PPARGC1A: variants seen among roughly 807,000 people sequenced by gnomAD.
The protein encoded by PPARGC1A is peroxisome proliferator-activated receptor gamma coactivator 1-alpha.
Under a neutral mutation model 88.7 loss-of-function variants are expected in PPARGC1A, and 25 were observed. The ratio of observed to expected loss-of-function variants is 0.28; its 90% confidence interval spans 0.21 to 0.39. The LOEUF (loss-of-function observed/expected upper bound fraction) is 0.39. Ranked by LOEUF, PPARGC1A falls within the 10% of genes least tolerant of loss-of-function variation. PPARGC1A has a pLI of 1.00. For missense variants in PPARGC1A, 880 were observed against 968.7 expected, an observed-to-expected ratio of 0.91 and a Z score of 1.22; for synonymous variants, 363 against 355.6, an observed-to-expected ratio of 1.02 and a Z score of -0.24.
the PPARGC1A span, among the ~76,000 whole-genome samples, chr4:24,248,739 C>T: frequency 6.6e-5 from 10 of 152,146 alleles, no homozygotes; most frequent in Non-Finnish European, 1.0e-4. Context: ...ATGCATGAGG[C>T]TGATATTGAA....
chr4:24,026,100 G>A, the PPARGC1A span, among the ~76,000 whole-genome samples: 1 of 152,178 alleles, frequency 6.6e-6, no homozygotes, highest in Non-Finnish European at 1.5e-5. Context: ...AAGAAAACTG[G>A]CTTCTTTAGA....
intron 7 of PPARGC1A, among the ~76,000 whole-genome samples, chr4:23,817,787 G>A (rs957990816): frequency 3.3e-5 from 5 of 152,076 alleles, no homozygotes; most frequent in Admixed American, 6.6e-5. Context: ...GAAATCTCAC[G>A]GATGACAAGA....
chr4:24,035,135 T>C, the PPARGC1A span, among the ~76,000 whole-genome samples: 2 of 152,228 alleles, frequency 1.3e-5, no homozygotes, highest in African/African-American at 4.8e-5. Context: ...TGGCAAACAC[T>C]TGTTGAAACT....
chr4:24,468,391 T>C, the PPARGC1A span, among the ~76,000 whole-genome samples: 6 of 152,164 alleles, frequency 3.9e-5, no homozygotes, highest in Non-Finnish European at 1.5e-5. Context: ...GGGGTTTCAT[T>C]CTAATTGAAG....
chr4:23,881,652 C>T (rs58920056), intron 2 of PPARGC1A: 4,835 of 152,264 alleles, frequency 0.032, 112 homozygotes, highest in Non-Finnish European at 0.05. Context: ...GTGTCATTGA[C>T]GTGCTACTTG....
At chr4:24,231,137 A>G in the PPARGC1A span, among the ~76,000 whole-genome samples, 1 of 152,104 alleles carries the variant, frequency 6.6e-6, no homozygotes, top group Non-Finnish European at 1.5e-5. Flanking sequence ...GAGAAAAATC[A>G]AAGTCCATTG....
At chr4:24,179,099 T>C in the PPARGC1A span, among the ~76,000 whole-genome samples, 2,620 of 152,182 alleles carry the variant, frequency 0.017, 78 homozygotes, top group East Asian at 0.097. Context: ...ATGAGTTAAG[T>C]TCTGTTCTGT....
At chr4:24,217,422 G>C in the PPARGC1A span, among the ~76,000 whole-genome samples, 1 of 152,158 alleles carries the variant, frequency 6.6e-6, no homozygotes, top group Admixed American at 6.5e-5. Flanking sequence ...CTAGTTAGAG[G>C]CTACTGCCGT....
the PPARGC1A span, among the ~76,000 whole-genome samples, chr4:23,911,756 C>T: frequency 6.6e-6 from 1 of 152,028 alleles, no homozygotes; most frequent in South Asian, 2.1e-4. Context: ...ATATTGGTAG[C>T]TTTAAAAAAA....
chr4:24,247,600 C>A, the PPARGC1A span, among the ~76,000 whole-genome samples: 2 of 152,108 alleles, frequency 1.3e-5, no homozygotes, highest in Non-Finnish European at 2.9e-5. Flanking sequence ...ATATCTCAAC[C>A]CCAAGTGGCG....
chr4:24,068,769 C>T, the PPARGC1A span, among the ~76,000 whole-genome samples: 1 of 152,136 alleles, frequency 6.6e-6, no homozygotes, highest in African/African-American at 2.4e-5. Flanking sequence ...GGTACTTCCC[C>T]TTATGCCTTG....
the PPARGC1A span, among the ~76,000 whole-genome samples, chr4:24,446,786 A>G: frequency 1.3e-5 from 2 of 151,818 alleles, no homozygotes; most frequent in South Asian, 4.2e-4. Context: ...TTCAGTAGAG[A>G]CGGATGTTTT....
At chr4:24,300,577 T>C in the PPARGC1A span, among the ~76,000 whole-genome samples, 1 of 152,170 alleles carries the variant, frequency 6.6e-6, no homozygotes, top group Non-Finnish European at 1.5e-5. Flanking sequence ...AATTAAATTG[T>C]AATTAAATTG....
At chr4:24,298,762 A>T in the PPARGC1A span, among the ~76,000 whole-genome samples, 1 of 152,192 alleles carries the variant, frequency 6.6e-6, no homozygotes, top group South Asian at 2.1e-4. Context: ...TTCCACATCA[A>T]AAACAAAACC....
At chr4:23,932,082 A>T in the PPARGC1A span, among the ~76,000 whole-genome samples, 6 of 152,348 alleles carry the variant, frequency 3.9e-5, no homozygotes, top group African/African-American at 1.4e-4. Flanking sequence ...ATAGTAGCTA[A>T]AAATAGAAAG....
At chr4:23,845,525 G>A (rs972142473) in intron 2 of PPARGC1A, among the ~76,000 whole-genome samples, 2 of 152,082 alleles carry the variant, frequency 1.3e-5, no homozygotes, top group African/African-American at 4.8e-5. Context: ...GTCTCAAGGT[G>A]GTTGGAAGCT....
chr4:24,145,423 A>G, the PPARGC1A span, among the ~76,000 whole-genome samples: 2 of 152,190 alleles, frequency 1.3e-5, no homozygotes, highest in Non-Finnish European at 2.9e-5. Flanking sequence ...CTTACAGCAC[A>G]ATAGTTCAAA....
the PPARGC1A span, among the ~76,000 whole-genome samples, chr4:24,344,280 G>A: frequency 6.6e-6 from 1 of 152,252 alleles, no homozygotes; most frequent in Middle Eastern, 3.4e-3. Context: ...TGGGATTGCT[G>A]GATCAAATGG....
At chr4:24,401,265 G>A in the PPARGC1A span, among the ~76,000 whole-genome samples, 1 of 152,076 alleles carries the variant, frequency 6.6e-6, no homozygotes, top group South Asian at 2.1e-4. Context: ...TGATCTGCCT[G>A]CCTCAGCCTC....
Sources: gnomAD v4.1 joint callset for allele counts (sites outside exome capture counted in the v4.1 genomes callset) on GRCh38, gnomAD v4.1.1 for gene constraint, MANE v1.5 for transcripts, NCBI Gene and HGNC (gene_info 2026-07-23, HGNC 2026-07-21) for gene names.